SMG1: variants seen among roughly 807,000 people sequenced by gnomAD.
SMG1 encodes the protein SMG1 nonsense mediated mRNA decay associated PI3K related kinase.
In SMG1, 22 loss-of-function variants were observed where a neutral mutation model predicts 419.9. The ratio of observed to expected loss-of-function variants is 0.05; its 90% confidence interval spans 0.04 to 0.07. SMG1 has a LOEUF of 0.07. Among genes scored for constraint, SMG1 ranks in the 10% least tolerant of loss-of-function variants. The pLI, the probability that SMG1 is intolerant of heterozygous loss-of-function variation, is 1.00. For synonymous variants in SMG1, 1,538 were observed against 1,553.5 expected (o/e 0.99, Z 0.23); for missense variants, 3,185 against 4,342.0 (o/e 0.73, Z 7.49).
intron 59 of SMG1, 39 bp from the exon 60 acceptor site, chr16:18,815,320 T>C (rs756531293): frequency 3.3e-6 from 5 of 1,535,996 alleles, no homozygotes; most frequent in Non-Finnish European, 4.4e-6. Flanking sequence ...ACGAAATGTT[T>C]TACCTGATAC....
At chr16:18,922,820 C>T (rs2038247392) in intron 1 of SMG1, among the ~76,000 whole-genome samples, 1 of 151,924 alleles carries the variant, frequency 6.6e-6, no homozygotes, top group Non-Finnish European at 1.5e-5. Context: ...TGGCTCACAC[C>T]TGTAATCTCA....
intron 62 of SMG1, among the ~76,000 whole-genome samples, chr16:18,811,445 G>A (rs552246279): frequency 1.8e-4 from 28 of 152,200 alleles, no homozygotes; most frequent in African/African-American, 2.4e-4. Flanking sequence ...CAACCCAAAG[G>A]GTCCTTGGCA....
chr16:18,848,999 G>C (rs557814121), intron 36 of SMG1, among the ~76,000 whole-genome samples: 2 of 139,512 alleles, frequency 1.4e-5, no homozygotes, highest in African/African-American at 5.4e-5. Flanking sequence ...AAACCTGGGA[G>C]GCAGAGACTG....
intron 1 of SMG1, among the ~76,000 whole-genome samples, chr16:18,903,355 T>A (rs2037423386): frequency 6.6e-6 from 1 of 152,118 alleles, no homozygotes; most frequent in African/African-American, 2.4e-5. Context: ...AAGTACCCCC[T>A]CACATCCATG....
At chr16:18,814,087 A>G (rs1429448766) in intron 60 of SMG1, among the ~76,000 whole-genome samples, 1 of 149,530 alleles carries the variant, frequency 6.7e-6, no homozygotes, top group Non-Finnish European at 1.5e-5. Context: ...ATAAAAATAA[A>G]TAAGAAAATA....
At chr16:18,909,862 A>G (rs1323605138) in intron 1 of SMG1, among the ~76,000 whole-genome samples, 1 of 152,148 alleles carries the variant, frequency 6.6e-6, no homozygotes, top group Non-Finnish European at 1.5e-5. Flanking sequence ...GGAAACTTCA[A>G]AATCATCACT....
intron 31 of SMG1, 135 bp from the exon 32 acceptor site, chr16:18,852,597 C>T (rs1266449437): frequency 2.9e-6 from 2 of 700,958 alleles, no homozygotes; most frequent in Non-Finnish European, 4.3e-6. Flanking sequence ...TATTACTGTA[C>T]ATAACTTGAG....
intron 40 of SMG1, 32 bp from the exon 41 acceptor site, chr16:18,841,826 G>C (rs368585568): frequency 2.5e-6 from 4 of 1,582,850 alleles, no homozygotes; most frequent in African/African-American, 1.3e-5. Context: ...AGCTAGGATA[G>C]GTGATTAAAC....
intron 56 of SMG1, among the ~76,000 whole-genome samples, chr16:18,819,150 C>G (rs2032290847): frequency 2.6e-5 from 4 of 152,328 alleles, no homozygotes; most frequent in Admixed American, 2.6e-4. Flanking sequence ...GTTTTATTGT[C>G]ATGTGGAAAA....
At chr16:18,836,616 A>G in intron 46 of SMG1, 84 bp from the exon 47 acceptor site, 2 of 1,429,230 alleles carry the variant, frequency 1.4e-6, no homozygotes, top group Admixed American at 1.8e-5. Context: ...GTGCTCACAC[A>G]TGGACTGTCT....
chr16:18,857,883 T>C (rs140906170), intron 29 of SMG1: 1 of 201,286 alleles, frequency 5.0e-6, no homozygotes, highest in African/African-American at 2.3e-5. Context: ...GAGAACATGT[T>C]GTTATGATTT....
chr16:18,848,102 A>G, intron 36 of SMG1, 69 bp from the exon 37 acceptor site: 2 of 1,291,918 alleles, frequency 1.5e-6, no homozygotes, highest in Non-Finnish European at 2.2e-6. Flanking sequence ...AGGTTAGGGA[A>G]AACACTGATA....
chr16:18,880,940 C>T (rs1247163909), intron 10 of SMG1, among the ~76,000 whole-genome samples: 2 of 146,340 alleles, frequency 1.4e-5, no homozygotes, highest in South Asian at 2.2e-4. Context: ...TGCACTGAGT[C>T]GTGATGGCAC....
intron 1 of SMG1, among the ~76,000 whole-genome samples, chr16:18,901,436 T>A (rs987655839): frequency 6.6e-6 from 1 of 151,992 alleles, no homozygotes; most frequent in Non-Finnish European, 1.5e-5. Flanking sequence ...CTGCTCTCAA[T>A]TTCCTGGACT....
In SMG1 at chr16:18,815,596, C is replaced by T; in HGVS notation, c.10358G>A (p.Arg3453Lys). 1 of 1,613,994 alleles carries T rather than the reference C, an allele frequency of 6.2e-7. No homozygotes were observed. The highest frequency in any genetic ancestry group is 8.5e-7 in the Non-Finnish European group (1 of 1,179,878). ...TGATTTATATTCACCCAAAAACTGC[C>T]TAACACTGTTCTCATAGGGAACATC... is the stretch of plus-strand genomic sequence containing the variant. ...GEDVPYENSV[R>K]QFLGEYKSWQ... The change falls in exon 59 of 63, where the codon AGG becomes AAG. Residue 3453 changes from arginine to lysine, a missense_variant. Coordinates refer to ENST00000446231, the MANE Select transcript of SMG1 (RefSeq NM_015092.5).
chr16:18,846,196 T>TA (rs1190310039), intron 38 of SMG1, among the ~76,000 whole-genome samples: 2 of 151,928 alleles, frequency 1.3e-5, no homozygotes, highest in African/African-American at 4.8e-5. Flanking sequence ...ACAAGGAAAA[T>TA]GTGATATCAA....
In SMG1 at chr16:18,863,717, T is replaced by C; in HGVS notation, c.3628A>G (p.Ile1210Val). ...WAAVQEWQNAIHDLKKSTSST... is the reference protein window; with the variant it reads ...WAAVQEWQNAVHDLKKSTSST... ...CTGGTACTCTTTTTCAAGTCATGGA[T>C]AGCGTTCTGCCATTCCTGCACAGCA... Residue 1210 changes from isoleucine (I) to valine (V), a missense_variant, in exon 25 of 63, where the codon ATC becomes GTC. Transcript: ENST00000446231. 1 of 1,591,384 alleles carries C rather than the reference T, an allele frequency of 6.3e-7. No individual in the cohort carries two copies. The highest frequency in any genetic ancestry group is 8.5e-7 in the Non-Finnish European group (1 of 1,174,862).
At chr16:18,877,905 T>G (rs1310264412) in intron 11 of SMG1, 1 of 152,204 alleles carries the variant, frequency 6.6e-6, no homozygotes, top group East Asian at 1.9e-4. Flanking sequence ...CTCAGCAGAA[T>G]GTCATCTAGA....
Position 18,858,257 on chromosome 16 carries a change from G to C in SMG1, c.4147C>G (p.Arg1383Gly). The change falls in exon 29 of 63, where the codon CGT becomes GGT. Residue 1383 changes from arginine (R) to glycine (G), a missense_variant. Coordinates refer to ENST00000446231, the MANE Select transcript of SMG1 (RefSeq NM_015092.5). ...CTCACGTCATGCTGTTTACATGAAC[G>C]TAAAGCTTCACTGAAGAGTGGAATA... Reference protein sequence around the residue: ...CLIPLFSEALRSCKQHDVRPW... With the variant: ...CLIPLFSEALGSCKQHDVRPW... 6.2e-7 allele frequency: 1 copy of C among 1,608,830 alleles called. No homozygotes were observed. The highest frequency in any genetic ancestry group is 8.5e-7 in the Non-Finnish European group (1 of 1,177,724).
Sources: allele counts gnomAD v4.1 joint callset (sites outside exome capture counted in the v4.1 genomes callset), GRCh38; gene constraint gnomAD v4.1.1; transcripts MANE v1.5; gene names NCBI Gene and HGNC (gene_info 2026-07-23, HGNC 2026-07-21).